The following DENND2B variants were observed in gnomAD, a reference collection of about 807,000 sequenced individuals.
DENND2B encodes DENN domain containing 2B.
Under a neutral mutation model 116.0 loss-of-function variants are expected in DENND2B, and 32 were observed. The ratio of observed to expected loss-of-function variants is 0.28; its 90% CI spans 0.21 to 0.37. The LOEUF (loss-of-function observed/expected upper bound fraction) is 0.37. Among genes scored for constraint, DENND2B ranks in the 10% least tolerant of loss-of-function variants. The pLI, the probability that DENND2B is intolerant of heterozygous loss-of-function variation, is 1.00. For synonymous variants in DENND2B, 588 were observed against 583.9 expected, an observed-to-expected ratio of 1.01 and a Z score of -0.10; for missense variants, 1,276 against 1,477.7, an observed-to-expected ratio of 0.86 and a Z score of 2.24.
intron 1 of DENND2B, among the ~76,000 whole-genome samples, chr11:8,889,205 G>C (rs2063996060): frequency 6.6e-6 from 1 of 152,218 alleles, no homozygotes; most frequent in Non-Finnish European, 1.5e-5. Flanking sequence ...GAATGGATAA[G>C]CAAATGTGGT....
At chr11:8,708,342 A>G (rs2042977742) in intron 11 of DENND2B, 12 of 985,208 alleles carry the variant, frequency 1.2e-5, no homozygotes, top group African/African-American at 1.7e-5. Context: ...ATTCTAAGAG[A>G]GCAAACTGAA....
chr11:8,907,999 C>T (rs1287014950), intron 1 of DENND2B, among the ~76,000 whole-genome samples: 1 of 152,158 alleles, frequency 6.6e-6, no homozygotes, highest in Admixed American at 6.5e-5. Context: ...ACCACAAAGC[C>T]ACCTCTTTAT....
intron 1 of DENND2B, among the ~76,000 whole-genome samples, chr11:8,794,053 G>A (rs894249037): frequency 1.3e-5 from 2 of 152,080 alleles, no homozygotes; most frequent in Admixed American, 1.3e-4. Context: ...CTGGGGCATG[G>A]GTTTATAGAA....
chr11:8,865,328 T>G (rs762882997), intron 2 of DENND2B, among the ~76,000 whole-genome samples: 4 of 152,160 alleles, frequency 2.6e-5, no homozygotes, highest in Non-Finnish European at 2.9e-5. Context: ...CCACAATTAC[T>G]TATGCTGATA....
At chr11:8,825,476 T>C (rs2061942726) in intron 4 of DENND2B, among the ~76,000 whole-genome samples, 2 of 152,194 alleles carry the variant, frequency 1.3e-5, no homozygotes. Context: ...GCTAGTATTC[T>C]GTTAAGGATT....
intron 1 of DENND2B, among the ~76,000 whole-genome samples, chr11:8,903,835 G>A (rs1201599175): frequency 3.5e-5 from 5 of 143,526 alleles, no homozygotes; most frequent in Non-Finnish European, 6.0e-5. Context: ...GCTGTAGTGA[G>A]CTGTGATTAT....
chr11:8,710,714 CAT>C (rs2043460341), intron 11 of DENND2B, 129 bp downstream of exon 11: 2 of 970,132 alleles, frequency 2.1e-6, no homozygotes, highest in Non-Finnish European at 3.1e-6. Flanking sequence ...CCTCAGGAAG[CAT>C]AACATAGGAT....
chr11:8,910,753 C>T, intron 1 of DENND2B: 1 of 145,982 alleles, frequency 6.9e-6, no homozygotes, highest in South Asian at 2.1e-4. Context: ...CGGGTTCTCG[C>T]TATGTTGCCT....
intron 6 of DENND2B, chr11:8,715,390 T>G: frequency 2.9e-5 from 17 of 582,230 alleles, no homozygotes; most frequent in Non-Finnish European, 5.2e-5. Context: ...CTCTAACATC[T>G]GAGCACCAAG....
Position 8,710,753 on chromosome 11 carries a change from G to GCACACACACA in DENND2B, c.2352+82_2352+91dup, listed in dbSNP as rs56230708. On this transcript the variant is annotated intron_variant, in intron 11 of 19. Transcript: ENST00000313726. The stretch of plus-strand genomic sequence containing the variant: ...TCATACAAGCTAAAATTGCAGAAGG[G>GCACACACACA]CACACACACACACACACACACACAC... The GCACACACACA allele has an allele frequency of 1.4e-3, 1,156 of 831,262 alleles. 1 individual carries two copies. Among genetic ancestry groups the GCACACACACA allele is most frequent in the African/African-American group, 5.4e-3 (299 of 55,312 alleles). 51.5% of individuals were successfully genotyped at this position (831,262 alleles called of 1,614,324 possible).
Position 8,707,293 on chromosome 11 carries a change from G to C in DENND2B, c.2431-68C>G. On this transcript the variant is annotated intron_variant, in intron 12 of 19. Transcript: ENST00000313726. The surrounding 1 kb of genome is among the most constrained non-coding windows in gnomAD (Gnocchi z 4.8). ...CACTGCCCTTCCCCCTCCTGGCAGA[G>C]AAGAGGGCAGCCAAGCATCTGACCA... The C allele has an allele frequency of 6.4e-7, 1 of 1,551,568 alleles. No individual in the cohort carries two copies. Among genetic ancestry groups the C allele is most frequent in the South Asian group, 1.2e-5 (1 of 81,198 alleles).
intron 4 of DENND2B, among the ~76,000 whole-genome samples, chr11:8,821,618 A>T (rs922099565): frequency 2.0e-5 from 3 of 152,154 alleles, no homozygotes; most frequent in African/African-American, 7.2e-5. Context: ...AATTACGAAG[A>T]CTTTATTAGC....
At chr11:8,801,413 AC>A (rs1209300715) in intron 1 of DENND2B, among the ~76,000 whole-genome samples, 1 of 152,142 alleles carries the variant, frequency 6.6e-6, no homozygotes, top group African/African-American at 2.4e-5. Context: ...GTGGTGGCTC[AC>A]GCCTATAATC....
rs934679297 is a variant in DENND2B at position 8,701,349 on chromosome 11, G to C, written c.2720+1223C>G. ...AGGATGGGAAGGCCAGCTTCCGGGG[G>C]GGGGGGGGGGAGGGGCTACATGAAT... is the stretch of plus-strand genomic sequence containing the variant. On this transcript the variant is annotated intron_variant, in intron 14 of 19. Transcript: ENST00000313726. Among the ~76,000 whole-genome samples the C allele has an allele frequency of 1.8e-4, 11 of 59,902 alleles. 1 individual carries two copies. Among genetic ancestry groups the C allele is most frequent in the Non-Finnish European group, 3.5e-4 (9 of 25,730 alleles). The allele number at this position is 59,902 out of a possible 152,430, so 39.3% of individuals were successfully genotyped here. A position where few individuals can be genotyped will look rare whatever the true frequency, so the allele number is the denominator to read the frequency against.
chr11:8,886,668 AT>A (rs970190961), intron 1 of DENND2B, among the ~76,000 whole-genome samples: 18 of 151,804 alleles, frequency 1.2e-4, no homozygotes, highest in African/African-American at 4.4e-4. Context: ...TACCTGTAGG[AT>A]TTATGACAAT....
intron 2 of DENND2B, among the ~76,000 whole-genome samples, chr11:8,861,721 C>G (rs1233712066): frequency 6.6e-6 from 1 of 152,174 alleles, no homozygotes; most frequent in African/African-American, 2.4e-5. Flanking sequence ...CAAAAAGATA[C>G]TTGCACAAAT....
chr11:8,744,924 ATT>A (rs34208987), intron 2 of DENND2B, among the ~76,000 whole-genome samples: 1 of 145,668 alleles, frequency 6.9e-6, no homozygotes. Flanking sequence ...TCCAGACCTG[ATT>A]TTTTTTTTTT....
intron 1 of DENND2B, among the ~76,000 whole-genome samples, chr11:8,797,531 C>T (rs2059938229): frequency 6.8e-6 from 1 of 147,944 alleles, no homozygotes; most frequent in Non-Finnish European, 1.5e-5. Context: ...CCCCCTTCCC[C>T]CTTTCCCCCT....
At chr11:8,856,822 T>C (rs917085258) in intron 3 of DENND2B, among the ~76,000 whole-genome samples, 1 of 151,520 alleles carries the variant, frequency 6.6e-6, no homozygotes, top group Non-Finnish European at 1.5e-5. Flanking sequence ...GGTGCAATAA[T>C]GGCTCCCTGC....
Sources: allele counts gnomAD v4.1 joint callset (sites outside exome capture counted in the v4.1 genomes callset), GRCh38; gene constraint gnomAD v4.1.1; non-coding constraint Gnocchi (gnomAD v3.1); transcripts MANE v1.5; gene names NCBI Gene and HGNC (gene_info 2026-07-23, HGNC 2026-07-21).